Variants in NBEA observed in about 807,000 individuals in gnomAD.
The protein encoded by NBEA is neurobeachin, also known as lysosomal-trafficking regulator 2.
NBEA carries 44 observed loss-of-function variants against 343.4 expected under a neutral mutation model. The observed-to-expected ratio is 0.13, with a 90% CI of 0.10 to 0.16. The LOEUF (loss-of-function observed/expected upper bound fraction) is 0.16. NBEA is among the 10% of genes least tolerant of loss of function. The pLI is 1.00. For missense variants in NBEA, 2,555 were observed against 3,631.3 expected (o/e 0.70, Z 7.62); for synonymous variants, 1,175 against 1,238.7 (o/e 0.95, Z 1.08).
intron 41 of NBEA, among the ~76,000 whole-genome samples, chr13:35,493,677 C>T (rs1370860927): frequency 6.6e-6 from 1 of 151,948 alleles, no homozygotes; most frequent in Non-Finnish European, 1.5e-5. Flanking sequence ...GAGCTTGCTC[C>T]TTTTTGAATA....
At chr13:35,445,128 A>G (rs2152939879) in intron 39 of NBEA, among the ~76,000 whole-genome samples, 1 of 152,234 alleles carries the variant, frequency 6.6e-6, no homozygotes, top group East Asian at 1.9e-4. Context: ...GATGTTGGAT[A>G]GGCATTGTGC....
intron 38 of NBEA, among the ~76,000 whole-genome samples, chr13:35,396,943 T>G (rs1376547612): frequency 6.6e-6 from 1 of 152,090 alleles, no homozygotes; most frequent in African/African-American, 2.4e-5. Flanking sequence ...ATTTCTGACC[T>G]CATCTCTTCA....
intron 1 of NBEA, among the ~76,000 whole-genome samples, chr13:34,975,162 G>A (rs1391994030): frequency 6.6e-6 from 1 of 152,126 alleles, no homozygotes; most frequent in Non-Finnish European, 1.5e-5. Flanking sequence ...CTTAAGTTCT[G>A]TGAGAAAATT....
At chr13:35,035,892 CTTTG>C (rs1289863337) in intron 1 of NBEA, among the ~76,000 whole-genome samples, 2 of 151,760 alleles carry the variant, frequency 1.3e-5, no homozygotes, top group Non-Finnish European at 2.9e-5. Flanking sequence ...TATTTTCAGT[CTTTG>C]TGTGTCTTTA....
At chr13:35,351,770 A>T (rs972142007) in intron 37 of NBEA, among the ~76,000 whole-genome samples, 16 of 151,980 alleles carry the variant, frequency 1.1e-4, no homozygotes, top group African/African-American at 3.9e-4. Context: ...TAAATGACAG[A>T]TTTTTGATTC....
chr13:35,455,620 A>G (rs960818558), intron 40 of NBEA, among the ~76,000 whole-genome samples: 12 of 152,118 alleles, frequency 7.9e-5, no homozygotes, highest in Non-Finnish European at 1.2e-4. Flanking sequence ...TTTTCCTTAT[A>G]GCTGAAAATA....
At chr13:35,639,956 C>CAA (rs1256138156) in intron 49 of NBEA, among the ~76,000 whole-genome samples, 3,626 of 63,182 alleles carry the variant, frequency 0.057, 227 homozygotes, top group African/African-American at 0.17. Flanking sequence ...TTACATTTAC[C>CAA]AAAAAAAAAA....
At chr13:35,285,860 T>G (rs1470298880) in intron 34 of NBEA, among the ~76,000 whole-genome samples, 2 of 152,168 alleles carry the variant, frequency 1.3e-5, no homozygotes, top group African/African-American at 4.8e-5. Context: ...TGCCTACCTC[T>G]CTGTCTTCAT....
chr13:35,610,821 T>C lies in NBEA; in HGVS notation c.7449+4243T>C, dbSNP rs897019356. Among the ~76,000 whole-genome samples, 5 of 152,074 alleles carry C rather than the reference T, an allele frequency of 3.3e-5. No individual in the cohort carries two copies. In the South Asian group the frequency reaches 1.0e-3, roughly 32 times the overall value. On this transcript the variant is annotated intron_variant, in intron 48 of 58. Transcript: ENST00000379939. ...TAATAAAGGACTAGGATCTAAAATA[T>C]ATAAAGAGCACTCAAAAATCAATAA...
At chr13:35,643,803 A>G (rs1242890731) in intron 49 of NBEA, among the ~76,000 whole-genome samples, 3 of 152,126 alleles carry the variant, frequency 2.0e-5, no homozygotes, top group Non-Finnish European at 2.9e-5. Flanking sequence ...CAGAACAACT[A>G]CTTCATTGTA....
At chr13:35,065,937 G>C (rs1381260104) in intron 8 of NBEA, among the ~76,000 whole-genome samples, 1 of 151,954 alleles carries the variant, frequency 6.6e-6, no homozygotes, top group Non-Finnish European at 1.5e-5. Flanking sequence ...ACCTGAGTTT[G>C]GTCTATTCAG....
intron 48 of NBEA, among the ~76,000 whole-genome samples, chr13:35,608,836 A>G (rs2082393199): frequency 6.6e-6 from 1 of 151,984 alleles, no homozygotes; most frequent in Admixed American, 6.6e-5. Flanking sequence ...TTTTTTTAAC[A>G]TTTATTTTAC....
intron 33 of NBEA, among the ~76,000 whole-genome samples, chr13:35,211,425 T>A (rs981437628): frequency 6.6e-6 from 1 of 152,166 alleles, no homozygotes; most frequent in Non-Finnish European, 1.5e-5. Flanking sequence ...TCACTGTCAT[T>A]TAGTGCATGT....
At chr13:35,121,307 A>G (rs2066784819) in intron 16 of NBEA, among the ~76,000 whole-genome samples, 1 of 151,984 alleles carries the variant, frequency 6.6e-6, no homozygotes, top group East Asian at 1.9e-4. Flanking sequence ...GGGTTTCACC[A>G]TGTTGCCCAG....
chr13:35,096,659 G>A (rs993812250), intron 10 of NBEA, among the ~76,000 whole-genome samples: 2 of 151,804 alleles, frequency 1.3e-5, no homozygotes, highest in Non-Finnish European at 2.9e-5. Context: ...ACTAACTTTG[G>A]TGTATGTAAG....
intron 13 of NBEA, among the ~76,000 whole-genome samples, 191 bp from the exon 14 acceptor site, chr13:35,117,223 G>C (rs1011851993): frequency 2.6e-5 from 4 of 151,442 alleles, no homozygotes; most frequent in African/African-American, 9.7e-5. Context: ...TAAATAATTT[G>C]AAATTGTCAA....
chr13:35,249,464 A>G (rs1242467231), intron 34 of NBEA, among the ~76,000 whole-genome samples: 1 of 152,208 alleles, frequency 6.6e-6, no homozygotes, highest in East Asian at 1.9e-4. Flanking sequence ...AGTCAAAAGC[A>G]CAAGAAGAAA....
At chr13:35,530,365 C>T (rs1053981895) in intron 41 of NBEA, among the ~76,000 whole-genome samples, 8 of 152,150 alleles carry the variant, frequency 5.3e-5, no homozygotes, top group South Asian at 2.1e-4. Flanking sequence ...CTTGTCATTT[C>T]CTGACATGCC....
intron 41 of NBEA, among the ~76,000 whole-genome samples, chr13:35,473,682 C>G (rs1036744956): frequency 6.6e-6 from 1 of 152,036 alleles, no homozygotes; most frequent in African/African-American, 2.4e-5. Flanking sequence ...TTGTGTTCAT[C>G]CTTTTATTAG....
Sources: allele counts gnomAD v4.1 joint callset (sites outside exome capture counted in the v4.1 genomes callset), GRCh38; gene constraint gnomAD v4.1.1; transcripts MANE v1.5; gene names NCBI Gene and HGNC (gene_info 2026-07-23, HGNC 2026-07-21).